The following STK32B variants were observed in gnomAD, a reference collection of about 807,000 sequenced individuals.
STK32B encodes the protein serine/threonine-protein kinase 32B.
Under a neutral mutation model 52.6 loss-of-function variants are expected in STK32B, and 43 were observed. The observed-to-expected ratio is 0.82, with a 90% confidence interval of 0.64 to 1.05. The LOEUF (loss-of-function observed/expected upper bound fraction) is 1.05, where lower values mean the gene tolerates loss of function less well. Ranked by LOEUF, STK32B falls within the 50% of genes least tolerant of loss-of-function variation. STK32B has a pLI of 0.00. For synonymous variants in STK32B, 238 were observed against 204.3 expected, an observed-to-expected ratio of 1.17 and a Z score of -1.41; for missense variants, 621 against 534.6, an observed-to-expected ratio of 1.16 and a Z score of -1.59.
intron 6 of STK32B, among the ~76,000 whole-genome samples, chr4:5,419,571 C>T (rs1027506463): frequency 6.6e-6 from 1 of 152,218 alleles, no homozygotes; most frequent in Non-Finnish European, 1.5e-5. Context: ...CAGTGAATAC[C>T]TGCTGAGTAT....
intron 3 of STK32B, among the ~76,000 whole-genome samples, chr4:5,265,608 T>G (rs1727008480): frequency 6.6e-6 from 1 of 152,236 alleles, no homozygotes; most frequent in Non-Finnish European, 1.5e-5. Context: ...GCAAGATGTT[T>G]CTAAAATATT....
the STK32B span, among the ~76,000 whole-genome samples, chr4:5,035,770 A>G: frequency 6.6e-6 from 1 of 151,828 alleles, no homozygotes; most frequent in African/African-American, 2.4e-5. Flanking sequence ...TGCAAATTAA[A>G]GGATCTGTAA....
intron 11 of STK32B, among the ~76,000 whole-genome samples, chr4:5,487,300 G>A (rs543802052): frequency 2.6e-5 from 4 of 152,274 alleles, no homozygotes; most frequent in Admixed American, 2.0e-4. Context: ...TAGTCCATGG[G>A]CATGAGCAGT....
chr4:5,061,517 G>A (rs563253410), intron 1 of STK32B, among the ~76,000 whole-genome samples: 2 of 152,032 alleles, frequency 1.3e-5, no homozygotes, highest in Non-Finnish European at 2.9e-5. Flanking sequence ...TTGCCTTTTT[G>A]TAAAAAAATT....
intron 3 of STK32B, among the ~76,000 whole-genome samples, chr4:5,284,038 G>T (rs966634768): frequency 6.6e-6 from 1 of 152,098 alleles, no homozygotes; most frequent in African/African-American, 2.4e-5. Context: ...TTCAAAAATT[G>T]TCTAGGCGTA....
rs1737196526 is a variant in STK32B, at chr4:5,400,154, T to A, written c.472+1910T>A. 6.6e-6 allele frequency among the ~76,000 whole-genome samples: 1 copy of A among 152,182 alleles called. No individual in the cohort carries two copies. The highest frequency in any genetic ancestry group is 2.4e-5 in the African/African-American group (1 of 41,450). ...GGGGGTAACCCAGGACTGCCTGGCT[T>A]CATAGTTCTGGCTCCATCCTCACAG... On this transcript the variant is annotated intron_variant, in intron 5 of 11. Coordinates refer to ENST00000282908, the MANE Select transcript of STK32B (RefSeq NM_018401.3). This position sits in a 1 kb window ranked among gnomAD's most constrained non-coding sequence, Gnocchi z 6.1.
intron 3 of STK32B, among the ~76,000 whole-genome samples, chr4:5,285,259 A>T (rs149974810): frequency 2.7e-3 from 410 of 152,244 alleles, no homozygotes; most frequent in African/African-American, 8.6e-3. Context: ...TTATACATAG[A>T]TTTTTGAGTG....
intron 3 of STK32B, among the ~76,000 whole-genome samples, chr4:5,232,190 T>C (rs976803917): frequency 1.3e-5 from 2 of 152,142 alleles, no homozygotes; most frequent in Non-Finnish European, 2.9e-5. Context: ...TTTTCTGTAA[T>C]AGAATGCACA....
chr4:5,108,394 G>A (rs529915203), intron 1 of STK32B, among the ~76,000 whole-genome samples: 10 of 152,240 alleles, frequency 6.6e-5, no homozygotes, highest in Admixed American at 4.6e-4. Flanking sequence ...GCCAGGTCAC[G>A]TGTAAATTCC....
chr4:5,368,132 G>A (rs6843302), intron 4 of STK32B, among the ~76,000 whole-genome samples: 5,132 of 152,030 alleles, frequency 0.034, 111 homozygotes, highest in East Asian at 0.079. Flanking sequence ...ACCCATGTTC[G>A]TCCTTTTGCT....
intron 6 of STK32B, chr4:5,438,084 G>C (rs1714267108): frequency 2.0e-6 from 2 of 985,424 alleles, no homozygotes; most frequent in South Asian, 4.7e-5. Context: ...GACAAGGTTT[G>C]ATGGGGAACA....
chr4:5,050,193 A>G (rs1741708890), upstream of STK32B, among the ~76,000 whole-genome samples: 1 of 152,222 alleles, frequency 6.6e-6, no homozygotes, highest in Admixed American at 6.5e-5. Context: ...ATATTTATTC[A>G]TCATTTATTA....
At chr4:5,389,247 G>A (rs1170774176) in intron 4 of STK32B, among the ~76,000 whole-genome samples, 1 of 152,150 alleles carries the variant, frequency 6.6e-6, no homozygotes, top group Non-Finnish European at 1.5e-5. Flanking sequence ...TCTCACCTTG[G>A]TTTCATTGTC....
At chr4:5,340,564 T>C (rs1733008936) in intron 4 of STK32B, among the ~76,000 whole-genome samples, 1 of 152,180 alleles carries the variant, frequency 6.6e-6, no homozygotes, top group African/African-American at 2.4e-5. Flanking sequence ...GTCTAACTTG[T>C]CATTGAGAAT....
chr4:5,110,440 C>A (rs780198006), intron 1 of STK32B, among the ~76,000 whole-genome samples: 1 of 152,032 alleles, frequency 6.6e-6, no homozygotes, highest in Admixed American at 6.6e-5. Context: ...ATGGAGAACT[C>A]AGAAATAAAG....
intron 3 of STK32B, among the ~76,000 whole-genome samples, chr4:5,193,729 G>A (rs1030606599): frequency 5.9e-5 from 9 of 152,224 alleles, no homozygotes; most frequent in African/African-American, 2.2e-4. Flanking sequence ...AAATATCTTG[G>A]AAGGTGATGA....
At chr4:5,195,570 G>A (rs562028412) in intron 3 of STK32B, among the ~76,000 whole-genome samples, 21 of 152,152 alleles carry the variant, frequency 1.4e-4, no homozygotes, top group Non-Finnish European at 1.3e-4. Context: ...GTGGGTGCCT[G>A]TAATTCCAGC....
At chr4:5,418,835 C>T (rs1028527772) in intron 6 of STK32B, among the ~76,000 whole-genome samples, 4 of 152,206 alleles carry the variant, frequency 2.6e-5, no homozygotes, top group South Asian at 2.1e-4. Context: ...TGCCTAAAAC[C>T]GCCTGGAGGA....
At chr4:5,024,992 C>G in the STK32B span, among the ~76,000 whole-genome samples, 4 of 152,132 alleles carry the variant, frequency 2.6e-5, no homozygotes, top group Non-Finnish European at 5.9e-5. Flanking sequence ...ATGCTCAGGC[C>G]CCCAGGCTGG....
Sources: allele counts gnomAD v4.1 joint callset (sites outside exome capture counted in the v4.1 genomes callset), GRCh38; gene constraint gnomAD v4.1.1; non-coding constraint Gnocchi (gnomAD v3.1); transcripts MANE v1.5; gene names NCBI Gene and HGNC (gene_info 2026-07-23, HGNC 2026-07-21).